Variants in MYO5B observed in about 807,000 individuals in gnomAD.
MYO5B encodes the protein unconventional myosin-Vb.
MYO5B carries 143 observed loss-of-function variants against 229.3 expected under a neutral mutation model. That is an observed-to-expected ratio of 0.62 (90% CI 0.54 to 0.72). MYO5B has a LOEUF of 0.72. MYO5B is among the 30% of genes least tolerant of loss of function. The probability of loss-of-function intolerance (pLI) is 0.00; values close to 1 mark genes in which losing one functional copy is unlikely to be tolerated. For synonymous variants in MYO5B, 918 were observed against 885.2 expected, an observed-to-expected ratio of 1.04 and a Z score of -0.66; for missense variants, 2,321 against 2,331.0, an observed-to-expected ratio of 1.00 and a Z score of 0.09.
At position 49,837,819 on chromosome 18, in the gene MYO5B, G is replaced by A. The variant is rs200915753; in HGVS notation, c.4853-17C>T. 54 of 1,613,642 alleles carry A rather than the reference G, an allele frequency of 3.3e-5. No homozygotes were observed. The highest frequency in any genetic ancestry group is 4.4e-5 in the Non-Finnish European group (52 of 1,179,986). Reference sequence around the variant, plus strand: ...TGGCAGAAACTGAAATAAAAGCACAGTTAGAGAAGCTTGCATTCCCCACTA... The same window carrying A: ...TGGCAGAAACTGAAATAAAAGCACAATTAGAGAAGCTTGCATTCCCCACTA... On this transcript the variant is annotated splice_polypyrimidine_tract_variant and intron_variant, in intron 36 of 39. Transcript: ENST00000285039.
At chr18:50,023,754 G>C (rs2026301763) in intron 4 of MYO5B, among the ~76,000 whole-genome samples, 1 of 152,146 alleles carries the variant, frequency 6.6e-6, no homozygotes, top group Non-Finnish European at 1.5e-5. Context: ...GGCTGTGGTA[G>C]GTAGCAGGGC....
At chr18:50,140,927 A>T (rs886096664) in intron 1 of MYO5B, among the ~76,000 whole-genome samples, 3 of 152,240 alleles carry the variant, frequency 2.0e-5, no homozygotes, top group Non-Finnish European at 4.4e-5. Flanking sequence ...AAAAGCATGA[A>T]ACGTGTTACT....
chr18:49,987,765 T>C (rs2025886378), intron 7 of MYO5B, among the ~76,000 whole-genome samples: 1 of 152,072 alleles, frequency 6.6e-6, no homozygotes, highest in South Asian at 2.1e-4. Flanking sequence ...TCTTATCCCC[T>C]AAAGGCTGTA....
chr18:50,068,192 A>C (rs111379370), intron 1 of MYO5B, among the ~76,000 whole-genome samples: 10 of 152,342 alleles, frequency 6.6e-5, no homozygotes, highest in African/African-American at 2.4e-4. Context: ...TAGCCAATAA[A>C]GCTTTTGTCA....
chr18:50,014,588 G>T (rs1419758891), intron 4 of MYO5B, among the ~76,000 whole-genome samples: 1 of 152,180 alleles, frequency 6.6e-6, no homozygotes, highest in Non-Finnish European at 1.5e-5. Flanking sequence ...ATCTCCTGCA[G>T]TAAATGAAGC....
chr18:49,880,804 T>C (rs906464808), intron 22 of MYO5B, among the ~76,000 whole-genome samples: 1 of 152,212 alleles, frequency 6.6e-6, no homozygotes, highest in African/African-American at 2.4e-5. Flanking sequence ...CCACTGAGGC[T>C]ACATGATCCA....
At chr18:49,963,483 C>T (rs556092804) in intron 10 of MYO5B, among the ~76,000 whole-genome samples, 6 of 152,016 alleles carry the variant, frequency 3.9e-5, no homozygotes, top group South Asian at 2.1e-4. Context: ...AGTGCAGAGG[C>T]GCAATCTTGG....
intron 5 of MYO5B, among the ~76,000 whole-genome samples, chr18:49,994,976 T>C (rs746038349): frequency 6.6e-6 from 1 of 152,202 alleles, no homozygotes; most frequent in Non-Finnish European, 1.5e-5. Context: ...TTACTAACTT[T>C]CACCATACTT....
At chr18:50,070,947 G>A (rs78023300) in intron 1 of MYO5B, among the ~76,000 whole-genome samples, 5,756 of 152,188 alleles carry the variant, frequency 0.038, 362 homozygotes, top group African/African-American at 0.13. Context: ...CAGCCTCCTG[G>A]GTAGCTGGGA....
intron 10 of MYO5B, among the ~76,000 whole-genome samples, chr18:49,966,153 C>T (rs543680127): frequency 2.5e-4 from 38 of 152,236 alleles, no homozygotes; most frequent in East Asian, 1.7e-3. Context: ...GGGGCCGGGC[C>T]GGTGCCCAGA....
At chr18:49,881,826 G>T (rs2024589830) in intron 22 of MYO5B, among the ~76,000 whole-genome samples, 1 of 150,750 alleles carries the variant, frequency 6.6e-6, no homozygotes, top group Admixed American at 6.6e-5. Context: ...AAAGTGCGAA[G>T]AAAGTTCTTA....
rs968597442 is a variant in MYO5B, at chr18:49,872,070, A to G, written c.3603+97T>C. The stretch of plus-strand genomic sequence containing the variant: ...CCTGCTTACTGCTCTCCTTGTTAGC[A>G]GACTGGGGCTCAGGGCCTGATTTCC... On this transcript the variant is annotated intron_variant, in intron 27 of 39. Transcript: ENST00000285039. 71 of 1,134,254 alleles carry G rather than the reference A, an allele frequency of 6.3e-5. No individual in the cohort carries two copies. In the African/African-American group the frequency reaches 1.1e-3, roughly 17 times the overall value. The allele number at this position is 1,134,254 out of a possible 1,614,324, so 70.3% of individuals were successfully genotyped here. A position where few individuals can be genotyped will look rare whatever the true frequency, so the allele number is the denominator to read the frequency against.
At chr18:50,047,951 A>T (rs1441633552) in intron 2 of MYO5B, among the ~76,000 whole-genome samples, 2 of 49,060 alleles carry the variant, frequency 4.1e-5, no homozygotes. Context: ...GGGTGGGGGG[A>T]GGGGGGAGGG....
chr18:49,866,048 A>G (rs1303527105), intron 27 of MYO5B, among the ~76,000 whole-genome samples: 2 of 152,326 alleles, frequency 1.3e-5, no homozygotes, highest in South Asian at 4.1e-4. Flanking sequence ...TAAAAAATAT[A>G]AAACACAAAA....
At chr18:50,098,798 A>C (rs1284727871) in intron 1 of MYO5B, 1 of 153,154 alleles carries the variant, frequency 6.5e-6, no homozygotes, top group African/African-American at 2.4e-5. Context: ...GCAGCTGGGA[A>C]AGAAACCTTC....
At chr18:50,162,882 CCT>C (rs2032790333) in intron 1 of MYO5B, among the ~76,000 whole-genome samples, 1 of 152,196 alleles carries the variant, frequency 6.6e-6, no homozygotes, top group African/African-American at 2.4e-5. Flanking sequence ...CCATTCCAGC[CCT>C]GTCACAGCGG....
At chr18:50,088,959 C>G (rs528667836) in intron 1 of MYO5B, among the ~76,000 whole-genome samples, 36 of 152,052 alleles carry the variant, frequency 2.4e-4, no homozygotes, top group Admixed American at 7.2e-4. Context: ...TGAATATCAT[C>G]TAAGGGGAGA....
At chr18:49,899,471 A>G (rs574196805) in intron 21 of MYO5B, among the ~76,000 whole-genome samples, 20 of 152,288 alleles carry the variant, frequency 1.3e-4, no homozygotes, top group African/African-American at 4.8e-4. Context: ...ACCCAAACTA[A>G]GGCTAAGAGT....
chr18:49,974,537 G>C lies in MYO5B; in HGVS notation c.1135C>G (p.Arg379Gly). 1.1e-5 allele frequency: 17 copies of C among 1,614,174 alleles called. No individual in the cohort carries two copies. Among genetic ancestry groups the C allele is most frequent in the Non-Finnish European group, 1.4e-5 (17 of 1,180,018 alleles). The change falls in exon 10 of 40, where the codon CGC becomes GGC. Residue 379 changes from arginine to glycine, a missense_variant. By Grantham distance (125) the Arg-to-Gly change is moderately radical. Coordinates refer to ENST00000285039, the MANE Select transcript of MYO5B (RefSeq NM_001080467.3). ...HSQMEHWLCH[R>G]KLVTTSETYV... The stretch of plus-strand genomic sequence containing the variant: ...GTCTCCGAGGTGGTGACCAGCTTGC[G>C]ATGACACAGCCAGTGCTCCATCTGA...
Sources: allele counts gnomAD v4.1 joint callset (sites outside exome capture counted in the v4.1 genomes callset), GRCh38; gene constraint gnomAD v4.1.1; transcripts MANE v1.5; gene names NCBI Gene and HGNC (gene_info 2026-07-23, HGNC 2026-07-21).